Variants in SOX5 observed in about 807,000 individuals in gnomAD.
SOX5 encodes SRY-box transcription factor 5, also known as transcription factor SOX-5.
SOX5 carries 9 observed loss-of-function variants against 92.0 expected under a neutral mutation model. The ratio of observed to expected loss-of-function variants is 0.10; its 90% CI spans 0.06 to 0.17. The LOEUF (loss-of-function observed/expected upper bound fraction) is 0.17, where lower values mean the gene tolerates loss of function less well. SOX5 is among the 10% of genes least tolerant of loss of function. The pLI is 1.00. For missense variants in SOX5, 642 were observed against 944.5 expected (o/e 0.68, Z 4.20); for synonymous variants, 344 against 336.3 (o/e 1.02, Z -0.25).
intron 3 of SOX5, among the ~76,000 whole-genome samples, chr12:23,799,490 A>C (rs2095623738): frequency 6.6e-6 from 1 of 152,086 alleles, no homozygotes; most frequent in African/African-American, 2.4e-5. Context: ...TAGTGACTAT[A>C]AAATGGGTAA....
chr12:23,538,799 C>CTTTTTTTTTTT (rs67268404), intron 13 of SOX5, among the ~76,000 whole-genome samples: 29 of 108,124 alleles, frequency 2.7e-4, no homozygotes, highest in East Asian at 2.3e-3. Flanking sequence ...CCAGCATTTT[C>CTTTTTTTTTTT]TTTTTTTTTT....
intron 10 of SOX5, among the ~76,000 whole-genome samples, chr12:23,571,195 ACTAAC>A: frequency 6.6e-6 from 1 of 151,348 alleles, no homozygotes; most frequent in Middle Eastern, 3.4e-3. Context: ...AAAAATGTAA[ACTAAC>A]AAACTTTCAA....
intron 3 of SOX5, among the ~76,000 whole-genome samples, chr12:23,835,452 C>A (rs2096398476): frequency 6.6e-6 from 1 of 151,680 alleles, no homozygotes. Flanking sequence ...CTATGTTTCA[C>A]CCAAATATTT....
chr12:24,032,510 T>C (rs1235448358), intron 4 of SOX5, among the ~76,000 whole-genome samples: 2 of 151,884 alleles, frequency 1.3e-5, no homozygotes, highest in South Asian at 2.1e-4. Context: ...TGTTCAATGA[T>C]TAAAATCTAT....
chr12:23,704,634 T>C (rs536772210), intron 6 of SOX5, among the ~76,000 whole-genome samples: 259 of 143,180 alleles, frequency 1.8e-3, no homozygotes, highest in African/African-American at 6.0e-3. Flanking sequence ...TATAATGAAA[T>C]AAAAACATAA....
chr12:24,547,486 C>T (rs576449483), intron 1 of SOX5, among the ~76,000 whole-genome samples: 68 of 152,250 alleles, frequency 4.5e-4, no homozygotes, highest in African/African-American at 8.4e-4. Flanking sequence ...CCACCGCGCC[C>T]GGCCTATCTA....
At chr12:23,549,678 G>A (rs1943817726) in intron 11 of SOX5, among the ~76,000 whole-genome samples, 2 of 151,872 alleles carry the variant, frequency 1.3e-5, no homozygotes, top group African/African-American at 4.8e-5. Flanking sequence ...TGGGGTATGG[G>A]CCAAACAAGA....
chr12:23,780,983 T>C (rs563165968), intron 3 of SOX5, among the ~76,000 whole-genome samples: 2 of 152,136 alleles, frequency 1.3e-5, no homozygotes, highest in South Asian at 2.1e-4. Flanking sequence ...TCTAGAGGTA[T>C]GCACCACTTA....
intron 4 of SOX5, among the ~76,000 whole-genome samples, chr12:23,751,322 C>A (rs1199071135): frequency 6.6e-6 from 1 of 151,920 alleles, no homozygotes; most frequent in Non-Finnish European, 1.5e-5. Flanking sequence ...TCGTAAACCA[C>A]ATGATTCTTA....
At chr12:24,041,868 A>G (rs1016741522) in intron 4 of SOX5, among the ~76,000 whole-genome samples, 1 of 152,104 alleles carries the variant, frequency 6.6e-6, no homozygotes, top group African/African-American at 2.4e-5. Flanking sequence ...ATTTGGTAAG[A>G]CTTGCTTTAT....
Position 23,788,342 on chromosome 12 carries a change from A to G in SOX5, c.482-32618T>C, listed in dbSNP as rs114658301. Among the ~76,000 whole-genome samples, 434 of 152,138 alleles carry G rather than the reference A, an allele frequency of 2.9e-3. 1 individual carries two copies. The highest frequency in any genetic ancestry group is 9.8e-3 in the African/African-American group (409 of 41,574). ...TACAGTTTTATGATGTCCATCAGAT[A>G]AAAACAAATCAGTCGCACAGAAACA... On this transcript the variant is annotated intron_variant, in intron 3 of 14. Transcript: ENST00000451604.
chr12:24,051,455 T>C (rs1957558509), intron 4 of SOX5, among the ~76,000 whole-genome samples: 1 of 152,168 alleles, frequency 6.6e-6, no homozygotes, highest in African/African-American at 2.4e-5. Context: ...AGTCAAATAT[T>C]AGCAAATAGA....
intron 4 of SOX5, among the ~76,000 whole-genome samples, chr12:24,132,275 C>T (rs145344123): frequency 6.6e-6 from 1 of 152,120 alleles, no homozygotes; most frequent in Admixed American, 6.6e-5. Context: ...TATGTATATC[C>T]TGTGTGCAAC....
intron 3 of SOX5, among the ~76,000 whole-genome samples, chr12:23,837,864 A>G (rs1414840291): frequency 9.9e-6 from 1 of 101,006 alleles, no homozygotes; most frequent in Non-Finnish European, 1.7e-5. Context: ...TATAATATAT[A>G]AGATATATTT....
chr12:24,257,438 A>G (rs1314425457), intron 3 of SOX5, among the ~76,000 whole-genome samples: 1 of 151,472 alleles, frequency 6.6e-6, no homozygotes, highest in African/African-American at 2.4e-5. Flanking sequence ...TAGAAGAACA[A>G]GATTGAAGCT....
intron 4 of SOX5, among the ~76,000 whole-genome samples, chr12:23,971,504 A>G (rs971227776): frequency 2.0e-5 from 3 of 150,926 alleles, no homozygotes; most frequent in Non-Finnish European, 4.4e-5. Flanking sequence ...CATTGCCTAC[A>G]GTGGAGAGGT....
chr12:24,337,457 C>G (rs1036929612), intron 2 of SOX5, among the ~76,000 whole-genome samples: 1 of 151,956 alleles, frequency 6.6e-6, no homozygotes, highest in Non-Finnish European at 1.5e-5. Flanking sequence ...CCTCCCACCT[C>G]AGCTTCCCAA....
intron 4 of SOX5, among the ~76,000 whole-genome samples, chr12:24,182,018 T>G (rs925209295): frequency 1.3e-5 from 2 of 152,186 alleles, no homozygotes; most frequent in South Asian, 2.1e-4. Flanking sequence ...AGCACTTCTA[T>G]GTAGAATTAA....
At chr12:23,896,770 C>A (rs1189875723) in intron 1 of SOX5, among the ~76,000 whole-genome samples, 1 of 147,824 alleles carries the variant, frequency 6.8e-6, no homozygotes, top group Non-Finnish European at 1.5e-5. Context: ...ATTTTCACAA[C>A]TCTATGAATG....
Sources: allele counts gnomAD v4.1 joint callset (sites outside exome capture counted in the v4.1 genomes callset), GRCh38; gene constraint gnomAD v4.1.1; transcripts MANE v1.5; gene names NCBI Gene and HGNC (gene_info 2026-07-23, HGNC 2026-07-21).